DNAJC11: variants seen among roughly 807,000 people sequenced by gnomAD.
DNAJC11 encodes DnaJ heat shock protein family (Hsp40) member C11.
DNAJC11 carries 15 observed loss-of-function variants against 78.6 expected under a neutral mutation model. The observed-to-expected ratio is 0.19, with a 90% confidence interval of 0.13 to 0.29. DNAJC11 has a LOEUF of 0.29. Among genes scored for constraint, DNAJC11 ranks in the 10% least tolerant of loss-of-function variants. DNAJC11 has a pLI of 1.00. For synonymous variants in DNAJC11, 292 were observed against 272.1 expected (o/e 1.07, Z -0.72); for missense variants, 547 against 709.6 (o/e 0.77, Z 2.60).
intron 7 of DNAJC11, 27 bp downstream of exon 7, chr1:6,651,502 A>G (rs1642054242): frequency 6.2e-7 from 1 of 1,603,980 alleles, no homozygotes; most frequent in Non-Finnish European, 8.5e-7. Context: ...AGACCACCAA[A>G]GAGGAGCTGC....
intron 1 of DNAJC11, among the ~76,000 whole-genome samples, chr1:6,697,433 A>C (rs908587301): frequency 6.6e-6 from 1 of 151,912 alleles, no homozygotes; most frequent in African/African-American, 2.4e-5. Context: ...GGCATTAGTC[A>C]AATTCTCATA....
intron 10 of DNAJC11, among the ~76,000 whole-genome samples, chr1:6,640,690 G>T (rs532322226): frequency 6.6e-6 from 1 of 151,932 alleles, no homozygotes; most frequent in African/African-American, 2.4e-5. Context: ...AAATTAGCCG[G>T]GCGTGGTGGT....
intron 3 of DNAJC11, 135 bp from the exon 4 acceptor site, chr1:6,667,945 C>T (rs1642317656): frequency 1.3e-6 from 1 of 778,730 alleles, no homozygotes; most frequent in Non-Finnish European, 2.2e-6. Flanking sequence ...TCAGGAAGGA[C>T]CCCAAACCAT....
At position 6,645,126 on chromosome 1, in the gene DNAJC11, G is replaced by C; in HGVS notation, c.895C>G (p.Leu299Val). The change falls in exon 9 of 16, where the codon CTG becomes GTG. Residue 299 changes from leucine to valine, a missense_variant and splice_region_variant. By Grantham distance (32) the Leu-to-Val change is conservative. Transcript: ENST00000377577. The surrounding 1 kb of genome is among the most constrained non-coding windows in gnomAD (Gnocchi z 4.1). ...KTSHFTVALQ[L>V]GIPHSFALIS... is the part of the protein sequence containing the mutation. ...AGTGCAAAGGAGTGAGGGATTCCCA[G>C]CTGGGGAGACAGAGGGTGCAAGGAT... 2 of 1,611,708 alleles carry C rather than the reference G, an allele frequency of 1.2e-6. No individual in the cohort carries two copies. The highest frequency in any genetic ancestry group is 1.7e-4 in the Middle Eastern group (1 of 6,032).
At chr1:6,685,020 C>A (rs1326963434) in intron 1 of DNAJC11, among the ~76,000 whole-genome samples, 1 of 152,138 alleles carries the variant, frequency 6.6e-6, no homozygotes, top group Non-Finnish European at 1.5e-5. Context: ...GTACAGTAAT[C>A]CCAGCACTTT....
In DNAJC11 at chr1:6,635,657, A is replaced by C. The variant is rs971204805; in HGVS notation, c.*18T>G. On this transcript the variant is annotated 3_prime_UTR_variant, in exon 16 of 16. Transcript: ENST00000377577. ...AAAAGATTTTTTGCGGCCTTTTAAA[A>C]ATCTGGTTCTTGGCAGTTTATCCAT... 6.2e-7 allele frequency: 1 copy of C among 1,613,392 alleles called. No individual in the cohort carries two copies. Among genetic ancestry groups the C allele is most frequent in the Non-Finnish European group, 8.5e-7 (1 of 1,179,730 alleles).
intron 3 of DNAJC11, among the ~76,000 whole-genome samples, chr1:6,671,536 A>AT (rs34229944): frequency 0.037 from 4,742 of 127,180 alleles, 232 homozygotes; most frequent in African/African-American, 0.12. Flanking sequence ...GCGCCTGGCC[A>AT]TTTTTTTTTT....
intron 1 of DNAJC11, among the ~76,000 whole-genome samples, 200 bp from the exon 2 acceptor site, chr1:6,681,237 A>G (rs113005707): frequency 6.6e-6 from 1 of 152,202 alleles, no homozygotes; most frequent in Non-Finnish European, 1.5e-5. Context: ...ACATACATCA[A>G]TAGGGACTGG....
In DNAJC11 at chr1:6,645,865, C is replaced by T. The variant is rs1641956802; in HGVS notation, c.818G>A (p.Arg273Gln). The T allele has an allele frequency of 4.3e-6, 7 of 1,614,158 alleles. No homozygotes were observed. The highest frequency in any genetic ancestry group is 1.6e-4 in the Middle Eastern group (1 of 6,062). ...DKNTVGYLQW[R>Q]WGIQSAMNTS... ...GTTCATGGCTGACTGGATACCCCAT[C>T]GCCACTGCAGGTAGCCCACGGTGTT... The change falls in exon 8 of 16, where the codon CGA becomes CAA. Residue 273 changes from arginine (R) to glutamine (Q), a missense_variant. Arg to Gln is a conservative substitution (Grantham distance 43). Transcript: ENST00000377577. The surrounding 1 kb of genome is among the most constrained non-coding windows in gnomAD (Gnocchi z 4.1).
chr1:6,643,277 A>ATT lies in DNAJC11; in HGVS notation c.1097+1279_1097+1280dup, dbSNP rs60341247. 1.8e-3 allele frequency among the ~76,000 whole-genome samples: 251 copies of ATT among 138,220 alleles called. 2 individuals are homozygous for ATT. Among genetic ancestry groups the ATT allele is most frequent in the African/African-American group, 5.9e-3 (220 of 37,266 alleles). 90.7% of individuals were successfully genotyped at this position (138,220 alleles called of 152,430 possible). ...AAGACGGATGCAAGCGAAAACAGAC[A>ATT]TTTTTTTTTTTTTTTTTGAGTGGAG... On this transcript the variant is annotated intron_variant, in intron 10 of 15. Coordinates refer to ENST00000377577, the MANE Select transcript of DNAJC11 (RefSeq NM_018198.4).
intron 4 of DNAJC11, among the ~76,000 whole-genome samples, chr1:6,663,616 G>C (rs1387501831): frequency 6.6e-6 from 1 of 152,184 alleles, no homozygotes; most frequent in Non-Finnish European, 1.5e-5. Flanking sequence ...GGGTGGTCCA[G>C]TCAGGTCTAG....
intron 3 of DNAJC11, among the ~76,000 whole-genome samples, chr1:6,674,581 T>C (rs752350857): frequency 1.3e-5 from 2 of 151,702 alleles, no homozygotes; most frequent in Non-Finnish European, 2.9e-5. Context: ...ATAAAAAAAT[T>C]AGCAGGGCGT....
rs568966667 is a variant in DNAJC11 at position 6,648,252 on chromosome 1, T to G, written c.705-2274A>C. On this transcript the variant is annotated intron_variant, in intron 7 of 15. Transcript: ENST00000377577. Reference sequence around the variant, plus strand: ...CTCACTGCAACCTCTGCCTCCCGGGTTCAGGCAATTCTCCTGCCTCAGCCT... The same window carrying G: ...CTCACTGCAACCTCTGCCTCCCGGGGTCAGGCAATTCTCCTGCCTCAGCCT... Among the ~76,000 whole-genome samples the G allele has an allele frequency of 2.0e-5, 3 of 152,032 alleles. No individual in the cohort carries two copies. In the East Asian group the frequency reaches 5.8e-4, roughly 29 times the overall value.
chr1:6,646,031 TTC>T, intron 7 of DNAJC11, 53 bp from the exon 8 acceptor site: 2 of 1,567,046 alleles, frequency 1.3e-6, no homozygotes, highest in Non-Finnish European at 1.8e-6. Context: ...CTCTCAGCTG[TTC>T]TGTTACTTCC....
At position 6,655,714 on chromosome 1, in the gene DNAJC11, C is replaced by T. The variant is rs544091735; in HGVS notation, c.379-1675G>A. On this transcript the variant is annotated intron_variant, in intron 4 of 15. Coordinates refer to ENST00000377577, the MANE Select transcript of DNAJC11 (RefSeq NM_018198.4). ...GTCCCAGCTACTCTAGAGGCTGAGG[C>T]AGGAGAACTGCTTGAACCTGAAAGG... is the stretch of plus-strand genomic sequence containing the variant. Among the ~76,000 whole-genome samples, 4 of 152,266 alleles carry T rather than the reference C, an allele frequency of 2.6e-5. No individual in the cohort carries two copies. In the South Asian group the frequency reaches 8.3e-4, roughly 32 times the overall value.
chr1:6,688,155 A>G (rs1642686777), intron 1 of DNAJC11, among the ~76,000 whole-genome samples: 1 of 152,336 alleles, frequency 6.6e-6, no homozygotes, highest in East Asian at 1.9e-4. Flanking sequence ...AAGCCCAGCG[A>G]AAGGGAAAAG....
rs1213597022 is a variant in DNAJC11 at position 6,645,604 on chromosome 1, A to G, written c.894+185T>C. ...GCCCCAGGCGCCTGAAGGCAACTGC[A>G]TTTCATACTCGAAGGTTCCACCAGG... is the stretch of plus-strand genomic sequence containing the variant. On this transcript the variant is annotated intron_variant, in intron 8 of 15. Coordinates refer to ENST00000377577, the MANE Select transcript of DNAJC11 (RefSeq NM_018198.4). The surrounding 1 kb of genome is among the most constrained non-coding windows in gnomAD (Gnocchi z 4.1). Among the ~76,000 whole-genome samples the G allele has an allele frequency of 2.6e-5, 4 of 152,200 alleles. No homozygotes were observed. In the East Asian group the frequency reaches 7.7e-4, roughly 29 times the overall value.
chr1:6,677,085 G>A (rs1272820398), intron 3 of DNAJC11, among the ~76,000 whole-genome samples: 4 of 140,842 alleles, frequency 2.8e-5, no homozygotes, highest in African/African-American at 1.0e-4. Context: ...TGAGGCAGGA[G>A]AATCACTTGT....
intron 4 of DNAJC11, among the ~76,000 whole-genome samples, chr1:6,666,017 C>T (rs1310712161): frequency 2.0e-5 from 3 of 152,240 alleles, no homozygotes; most frequent in Admixed American, 6.5e-5. Context: ...TCGGTTCACC[C>T]AGGGTTTTGA....
Sources: gnomAD v4.1 joint callset for allele counts (sites outside exome capture counted in the v4.1 genomes callset) on GRCh38, gnomAD v4.1.1 for gene constraint, Gnocchi (gnomAD v3.1) non-coding constraint, MANE v1.5 for transcripts, NCBI Gene and HGNC (gene_info 2026-07-23, HGNC 2026-07-21) for gene names.